The following PKD2 variants were observed in gnomAD, a reference collection of about 807,000 sequenced individuals.
PKD2 encodes polycystin-2.
In PKD2, 48 loss-of-function variants were observed where a neutral mutation model predicts 105.9. That is an observed-to-expected ratio of 0.45 (90% CI 0.36 to 0.58). The LOEUF (loss-of-function observed/expected upper bound fraction) is 0.58. PKD2 is among the 20% of genes least tolerant of loss of function. The pLI, the probability that PKD2 is intolerant of heterozygous loss-of-function variation, is 0.00. For missense variants in PKD2, 1,078 were observed against 1,255.3 expected (o/e 0.86, Z 2.13); for synonymous variants, 464 against 481.1 (o/e 0.96, Z 0.46).
intron 1 of PKD2, among the ~76,000 whole-genome samples, chr4:88,008,848 C>G (rs1007478140): frequency 7.9e-5 from 12 of 152,210 alleles, no homozygotes; most frequent in Non-Finnish European, 1.5e-4. Flanking sequence ...GGCAGATTGT[C>G]ATTGGTGCAT....
In PKD2 at chr4:88,032,919, C is replaced by T. The variant is rs543570085; in HGVS notation, c.710-3301C>T. On this transcript the variant is annotated intron_variant, in intron 2 of 14. Transcript: ENST00000237596. ...CCAGGATCTCAAGATGCAAGACCCACAATCATGAACAGAGGCAGATGTTCA... is the reference window on the plus strand; with the variant it reads ...CCAGGATCTCAAGATGCAAGACCCATAATCATGAACAGAGGCAGATGTTCA... Among the ~76,000 whole-genome samples, 13 of 152,244 alleles carry T rather than the reference C, an allele frequency of 8.5e-5. No individual in the cohort carries two copies. In the South Asian group the frequency reaches 2.7e-3, roughly 32 times the overall value.
intron 7 of PKD2, among the ~76,000 whole-genome samples, chr4:88,053,323 T>C (rs998883086): frequency 2.0e-5 from 3 of 152,124 alleles, no homozygotes; most frequent in Non-Finnish European, 2.9e-5. Flanking sequence ...TATGTACTTT[T>C]CTGAGTTGGT....
At chr4:88,059,978 A>G (rs1440973442) in intron 9 of PKD2, among the ~76,000 whole-genome samples, 1 of 152,160 alleles carries the variant, frequency 6.6e-6, no homozygotes, top group African/African-American at 2.4e-5. Context: ...CCACATCAAC[A>G]GGAAAGACAT....
In PKD2 at chr4:88,043,255, G is replaced by A; in HGVS notation, c.1117G>A (p.Asp373Asn). 6.2e-7 allele frequency: 1 copy of A among 1,611,126 alleles called. No individual in the cohort carries two copies. Among genetic ancestry groups the A allele is most frequent in the Non-Finnish European group, 8.5e-7 (1 of 1,177,438 alleles). The change falls in exon 5 of 15, where the codon GAC becomes AAC. Residue 373 changes from aspartate (D) to asparagine (N), a missense_variant. This residue lies in a region of PKD2 where 868 missense variants were observed against 1,067.3 expected (regional missense o/e 0.81). Coordinates refer to ENST00000237596, the MANE Select transcript of PKD2 (RefSeq NM_000297.4). ...CAGTTGGATCTACACAAGTGAAAAAGACTTGAATGGTAGTAGCCACTGGGG... is the reference window on the plus strand; with the variant it reads ...CAGTTGGATCTACACAAGTGAAAAAAACTTGAATGGTAGTAGCCACTGGGG... ...GTAWIYTSEK[D>N]LNGSSHWGII...
At chr4:88,025,930 C>T (rs1028421193) in intron 2 of PKD2, among the ~76,000 whole-genome samples, 3 of 152,202 alleles carry the variant, frequency 2.0e-5, no homozygotes, top group Non-Finnish European at 4.4e-5. Flanking sequence ...TATAAGTTTC[C>T]TGAGGCCTTC....
intron 2 of PKD2, among the ~76,000 whole-genome samples, chr4:88,028,352 A>G (rs1309155277): frequency 6.6e-6 from 1 of 152,238 alleles, no homozygotes; most frequent in Non-Finnish European, 1.5e-5. Flanking sequence ...GCTGCAGGCT[A>G]ATTCCATTTC....
At chr4:88,031,552 C>T (rs1424644005) in intron 2 of PKD2, among the ~76,000 whole-genome samples, 3 of 152,062 alleles carry the variant, frequency 2.0e-5, no homozygotes, top group African/African-American at 7.2e-5. Flanking sequence ...CTTTATATAT[C>T]TAGTACAGTT....
intron 8 of PKD2, among the ~76,000 whole-genome samples, chr4:88,057,473 T>C (rs1203617764): frequency 2.0e-5 from 3 of 148,360 alleles, no homozygotes; most frequent in Non-Finnish European, 4.5e-5. Context: ...TCTCGTTCCA[T>C]CGCCCAAGCT....
chr4:88,061,400 G>A (rs187372175), intron 9 of PKD2, among the ~76,000 whole-genome samples: 3 of 152,168 alleles, frequency 2.0e-5, no homozygotes, highest in Non-Finnish European at 2.9e-5. Context: ...ATGACTTAAC[G>A]GAGAAAATAA....
chr4:88,046,196 A>C (rs1463474353), intron 5 of PKD2, among the ~76,000 whole-genome samples: 1 of 152,124 alleles, frequency 6.6e-6, no homozygotes, highest in Non-Finnish European at 1.5e-5. Context: ...AGGCTAAGGC[A>C]GGAGAATCCC....
In PKD2 at chr4:88,007,661, G is replaced by A. The variant is rs996328014; in HGVS notation, c.-73G>A. The A allele has an allele frequency of 5.0e-5, 50 of 1,009,554 alleles. No individual in the cohort carries two copies. In the African/African-American group the frequency reaches 6.6e-4, roughly 13 times the overall value. 62.5% of individuals were successfully genotyped at this position (1,009,554 alleles called of 1,614,324 possible). On this transcript the variant is annotated 5_prime_UTR_variant, in exon 1 of 15. Transcript: ENST00000237596. ...GGCGGCGGCGGGCGCCGGGAAGAAAGGAACATGGCTCCTGAGGCGCACAGC... is the reference window on the plus strand; with the variant it reads ...GGCGGCGGCGGGCGCCGGGAAGAAAAGAACATGGCTCCTGAGGCGCACAGC...
chr4:88,024,457 G>GAAAAAAAAAAAAAAAAAAAAA (rs552942631), intron 2 of PKD2, among the ~76,000 whole-genome samples: 1 of 50,378 alleles, frequency 2.0e-5, no homozygotes. Flanking sequence ...ACTCTGTCTC[G>GAAAAAAAAAAAAAAAAAAAAA]AAAAAAAAAA....
At chr4:88,073,472 G>A (rs1169960352) in intron 13 of PKD2, among the ~76,000 whole-genome samples, 1 of 151,920 alleles carries the variant, frequency 6.6e-6, no homozygotes, top group Non-Finnish European at 1.5e-5. Flanking sequence ...GTTGCAGTAA[G>A]CCAAGATCAC....
intron 2 of PKD2, among the ~76,000 whole-genome samples, chr4:88,034,434 T>C (rs1727261831): frequency 6.6e-6 from 1 of 152,060 alleles, no homozygotes; most frequent in Non-Finnish European, 1.5e-5. Context: ...TTTGGGAGGC[T>C]GAGGTGGGAG....
chr4:88,024,365 A>G (rs1726872327), intron 2 of PKD2, among the ~76,000 whole-genome samples: 1 of 151,076 alleles, frequency 6.6e-6, no homozygotes, highest in Non-Finnish European at 1.5e-5. Context: ...GCTGAAGCAC[A>G]AGAATCACTT....
At chr4:88,073,060 G>A (rs1721093091) in intron 13 of PKD2, among the ~76,000 whole-genome samples, 1 of 140,942 alleles carries the variant, frequency 7.1e-6, no homozygotes, top group Admixed American at 7.1e-5. Context: ...AAAAGAGTAG[G>A]AACATTGAGG....
intron 2 of PKD2, among the ~76,000 whole-genome samples, chr4:88,025,312 G>A (rs1726915917): frequency 6.6e-6 from 1 of 151,990 alleles, no homozygotes. Flanking sequence ...TTTAAAATTA[G>A]CCAGGCATGG....
At chr4:88,017,076 C>G (rs2110087226) in intron 1 of PKD2, among the ~76,000 whole-genome samples, 1 of 152,046 alleles carries the variant, frequency 6.6e-6, no homozygotes, top group Non-Finnish European at 1.5e-5. Context: ...GTAATCCCAG[C>G]ACTTTGGGAG....
At chr4:88,050,410 T>C (rs1720023841) in intron 6 of PKD2, among the ~76,000 whole-genome samples, 1 of 152,148 alleles carries the variant, frequency 6.6e-6, no homozygotes, top group Non-Finnish European at 1.5e-5. Context: ...GGAGAGAAAG[T>C]TCTTTTGTAG....
Sources: gnomAD v4.1 joint callset for allele counts (sites outside exome capture counted in the v4.1 genomes callset) on GRCh38, gnomAD v4.1.1 for gene constraint, gnomAD v4.1.1 regional missense constraint, MANE v1.5 for transcripts, NCBI Gene and HGNC (gene_info 2026-07-23, HGNC 2026-07-21) for gene names.